SYCP2L: variants seen among roughly 807,000 people sequenced by gnomAD.
The protein encoded by SYCP2L is synaptonemal complex protein 2-like.
SYCP2L carries 98 observed loss-of-function variants against 125.8 expected under a neutral mutation model. The ratio of observed to expected loss-of-function variants is 0.78; its 90% confidence interval spans 0.66 to 0.92. SYCP2L has a LOEUF of 0.92. SYCP2L is among the 40% of genes least tolerant of loss of function. SYCP2L has a pLI of 0.00. For synonymous variants in SYCP2L, 317 were observed against 325.4 expected (o/e 0.97, Z 0.28); for missense variants, 842 against 936.4 (o/e 0.90, Z 1.32).
At chr6:10,911,701 G>C (rs921894186) in intron 12 of SYCP2L, among the ~76,000 whole-genome samples, 1 of 151,922 alleles carries the variant, frequency 6.6e-6, no homozygotes, top group African/African-American at 2.4e-5. Flanking sequence ...ACTTCCATCA[G>C]GGCCCTTACC....
At chr6:10,926,491 T>C (rs1307712489) in intron 16 of SYCP2L, 59 bp downstream of exon 16, 7 of 1,361,984 alleles carry the variant, frequency 5.1e-6, no homozygotes, top group Middle Eastern at 1.8e-4. Context: ...GATGAAACCT[T>C]AGTTGGAAGA....
At chr6:10,906,720 C>T (rs13203485) in intron 9 of SYCP2L, among the ~76,000 whole-genome samples, 24,811 of 151,622 alleles carry the variant, frequency 0.16, 2,158 homozygotes, top group African/African-American at 0.19. Flanking sequence ...GCCTCAGCCT[C>T]CCGAGTAGCT....
intron 14 of SYCP2L, among the ~76,000 whole-genome samples, chr6:10,913,631 T>C (rs1474047600): frequency 6.6e-6 from 1 of 152,178 alleles, no homozygotes; most frequent in Non-Finnish European, 1.5e-5. Context: ...CTTTGTCAGA[T>C]GTATAGATTG....
chr6:10,957,350 C>T (rs1203594333), intron 25 of SYCP2L, among the ~76,000 whole-genome samples: 1 of 152,122 alleles, frequency 6.6e-6, no homozygotes, highest in Non-Finnish European at 1.5e-5. Flanking sequence ...TATAAGACAG[C>T]TATTCCATGT....
intron 29 of SYCP2L, among the ~76,000 whole-genome samples, chr6:10,965,214 T>A (rs9295733): frequency 0.55 from 83,886 of 151,832 alleles, 24,144 homozygotes; most frequent in East Asian, 0.91. Flanking sequence ...GGTGTCCAAG[T>A]TGGTGGTTCT....
At chr6:10,907,438 C>A in intron 9 of SYCP2L, 104 bp from the exon 10 acceptor site, 1 of 1,028,666 alleles carries the variant, frequency 9.7e-7, no homozygotes, top group Non-Finnish European at 1.4e-6. Flanking sequence ...CAATGCTAGG[C>A]TTCTCAGATG....
intron 21 of SYCP2L, among the ~76,000 whole-genome samples, chr6:10,939,443 G>C (rs138496267): frequency 6.6e-6 from 1 of 152,176 alleles, no homozygotes; most frequent in African/African-American, 2.4e-5. Context: ...GAGGAATAAA[G>C]CTGGAGGCAT....
chr6:10,888,066 CTTTTTTTTTTTTTTTTTTTT>C (rs70991066), intron 1 of SYCP2L, among the ~76,000 whole-genome samples: 9,850 of 74,274 alleles, frequency 0.13, 1,216 homozygotes, highest in East Asian at 0.26. Flanking sequence ...GTGTTACCAT[CTTTTTTTTTTTTTTTTTTTT>C]TTTTTTTTTT....
intron 18 of SYCP2L, among the ~76,000 whole-genome samples, chr6:10,929,034 G>A (rs1000159413): frequency 6.6e-6 from 1 of 151,842 alleles, no homozygotes; most frequent in African/African-American, 2.4e-5. Flanking sequence ...TAGGATTATA[G>A]GGGCATGCCA....
intron 26 of SYCP2L, among the ~76,000 whole-genome samples, chr6:10,960,442 G>A (rs538469278): frequency 1.3e-5 from 2 of 152,294 alleles, no homozygotes; most frequent in Non-Finnish European, 2.9e-5. Context: ...TGGTATGAGA[G>A]TGAGGTGAGG....
chr6:10,887,263 C>T (rs989552386), intron 1 of SYCP2L, 128 bp downstream of exon 1: 4 of 1,246,648 alleles, frequency 3.2e-6, no homozygotes, highest in Non-Finnish European at 4.6e-6. Flanking sequence ...TGGGCATAGT[C>T]CCCCGCCACC....
At chr6:10,895,981 T>C (rs1254707618) in intron 4 of SYCP2L, among the ~76,000 whole-genome samples, 2 of 152,096 alleles carry the variant, frequency 1.3e-5, no homozygotes, top group Non-Finnish European at 2.9e-5. Flanking sequence ...GGTGAAACCC[T>C]GTCTCTATTA....
chr6:10,893,847 G>T lies in SYCP2L; in HGVS notation c.79-20G>T. 6.3e-7 allele frequency: 1 copy of T among 1,599,342 alleles called. No homozygotes were observed. The highest frequency in any genetic ancestry group is 8.5e-7 in the Non-Finnish European group (1 of 1,177,104). Reference sequence around the variant, plus strand: ...AATGTTCTTGGGGAAAAAGTAATTTGCAAACTATCATCTTTCCAGCTTCAA... The same window carrying T: ...AATGTTCTTGGGGAAAAAGTAATTTTCAAACTATCATCTTTCCAGCTTCAA... On this transcript the variant is annotated intron_variant, in intron 2 of 29. Transcript: ENST00000283141.
intron 4 of SYCP2L, among the ~76,000 whole-genome samples, chr6:10,897,313 CT>C (rs1780273918): frequency 6.6e-6 from 1 of 152,036 alleles, no homozygotes; most frequent in Non-Finnish European, 1.5e-5. Flanking sequence ...CTTCTGAGAA[CT>C]TTCCAAATTC....
chr6:10,906,112 T>A (rs949667030), intron 9 of SYCP2L, 58 bp downstream of exon 9: 1 of 1,000,628 alleles, frequency 1.0e-6, no homozygotes, highest in Non-Finnish European at 1.6e-6. Context: ...CTGGGGGTTT[T>A]ATGAGCATCT....
At chr6:10,910,952 G>C in intron 12 of SYCP2L, 83 bp downstream of exon 12, 1 of 1,476,468 alleles carries the variant, frequency 6.8e-7, no homozygotes, top group Non-Finnish European at 9.5e-7. Flanking sequence ...TCAAACTTTT[G>C]CTCTCATAAC....
At chr6:10,943,135 T>C (rs1156565684) in intron 23 of SYCP2L, among the ~76,000 whole-genome samples, 1 of 152,180 alleles carries the variant, frequency 6.6e-6, no homozygotes, top group Non-Finnish European at 1.5e-5. Flanking sequence ...TCTAAAACAT[T>C]GTGTGGTCAA....
chr6:10,908,974 C>G (rs1780556190), intron 10 of SYCP2L, among the ~76,000 whole-genome samples: 1 of 152,196 alleles, frequency 6.6e-6, no homozygotes, highest in South Asian at 2.1e-4. Context: ...AGGTCCAGGG[C>G]TGTTGTAGGC....
At chr6:10,950,043 A>G (rs1781382916) in intron 23 of SYCP2L, among the ~76,000 whole-genome samples, 1 of 152,086 alleles carries the variant, frequency 6.6e-6, no homozygotes, top group Non-Finnish European at 1.5e-5. Context: ...TTTAACACAC[A>G]CACTTTTAAA....
Sources: allele counts gnomAD v4.1 joint callset (sites outside exome capture counted in the v4.1 genomes callset), GRCh38; gene constraint gnomAD v4.1.1; transcripts MANE v1.5; gene names NCBI Gene and HGNC (gene_info 2026-07-23, HGNC 2026-07-21).